Variants in ERBB4 observed in about 807,000 individuals in gnomAD.
ERBB4 encodes the protein erb-b2 receptor tyrosine kinase 4.
ERBB4 carries 42 observed loss-of-function variants against 158.0 expected under a neutral mutation model. The ratio of observed to expected loss-of-function variants is 0.27; its 90% CI spans 0.21 to 0.34. The LOEUF is 0.34. Ranked by LOEUF, ERBB4 falls within the 10% of genes least tolerant of loss-of-function variation. ERBB4 has a pLI of 1.00. For synonymous variants in ERBB4, 583 were observed against 558.7 expected (o/e 1.04, Z -0.61); for missense variants, 1,333 against 1,624.1 (o/e 0.82, Z 3.08).
Position 211,788,150 on chromosome 2 carries a change from T to C in ERBB4, c.431A>G (p.Asn144Ser), listed in dbSNP as rs772663811. Reference protein sequence around the residue: ...LGLKNLTEILNGGVYVDQNKF... With the variant: ...LGLKNLTEILSGGVYVDQNKF... ...GTTCTGGTCTACATAGACTCCACCA[T>C]TTAGGATTTCTGTATTAAAAAACAA... Residue 144 changes from asparagine (N) to serine (S), a missense_variant, in exon 4 of 28, where the codon AAT becomes AGT. Coordinates refer to ENST00000342788, the MANE Select transcript of ERBB4 (RefSeq NM_005235.3). The C allele has an allele frequency of 6.2e-7, 1 of 1,611,720 alleles. No homozygotes were observed. Among genetic ancestry groups the C allele is most frequent in the Non-Finnish European group, 8.5e-7 (1 of 1,178,146 alleles).
chr2:211,945,612 G>C (rs2080667254), intron 3 of ERBB4, among the ~76,000 whole-genome samples: 2 of 152,006 alleles, frequency 1.3e-5, no homozygotes, highest in African/African-American at 2.4e-5. Context: ...AAATAATAGT[G>C]TTATATTTTG....
At chr2:211,752,407 A>G (rs2075157857) in intron 4 of ERBB4, among the ~76,000 whole-genome samples, 1 of 151,582 alleles carries the variant, frequency 6.6e-6, no homozygotes. Context: ...ATAATCTACC[A>G]TTTAATCTAT....
chr2:211,413,309 A>AACACACACACACACAC lies in ERBB4; in HGVS notation c.3135+7116_3135+7131dup, dbSNP rs36108369. ...GGACAGAGAGAGACCCTGTCTTAAAAACACACACACACACACACACACACA... is the reference window on the plus strand; with the variant it reads ...GGACAGAGAGAGACCCTGTCTTAAAAACACACACACACACACACACACACACACACACACACACACA... On this transcript the variant is annotated intron_variant, in intron 25 of 27. Transcript: ENST00000342788. Among the ~76,000 whole-genome samples, 25 of 94,574 alleles carry AACACACACACACACAC rather than the reference A, an allele frequency of 2.6e-4. 1 individual carries two copies. The highest frequency in any genetic ancestry group is 8.8e-4 in the African/African-American group (23 of 26,048). 62.0% of individuals were successfully genotyped at this position (94,574 alleles called of 152,430 possible). A position where few individuals can be genotyped will look rare whatever the true frequency, so the allele number is the denominator to read the frequency against.
chr2:212,532,081 CCTTTTATTTGT>C (rs942226147), intron 1 of ERBB4, among the ~76,000 whole-genome samples: 2 of 152,138 alleles, frequency 1.3e-5, no homozygotes, highest in African/African-American at 4.8e-5. Flanking sequence ...TGCAACATAA[CCTTTTATTTGT>C]TTCCTTATTT....
At chr2:211,544,563 AG>A (rs1009003040) in intron 20 of ERBB4, among the ~76,000 whole-genome samples, 6 of 152,030 alleles carry the variant, frequency 3.9e-5, no homozygotes, top group Non-Finnish European at 5.9e-5. Context: ...TTTAAGTCCC[AG>A]TTTTTTCAGG....
At chr2:211,869,993 A>T (rs1332340167) in intron 3 of ERBB4, among the ~76,000 whole-genome samples, 2 of 152,120 alleles carry the variant, frequency 1.3e-5, no homozygotes, top group Admixed American at 6.6e-5. Context: ...CTAGACTGTC[A>T]TATTTAGTAA....
chr2:211,441,957 C>A (rs1261134482), intron 20 of ERBB4, among the ~76,000 whole-genome samples: 1 of 152,094 alleles, frequency 6.6e-6, no homozygotes, highest in Admixed American at 6.6e-5. Context: ...TTGCTTAAGT[C>A]TTCTCTTTTT....
intron 1 of ERBB4, among the ~76,000 whole-genome samples, chr2:212,430,095 G>C (rs898934234): frequency 1.3e-5 from 2 of 152,106 alleles, no homozygotes; most frequent in African/African-American, 4.8e-5. Context: ...AACTGGTAAA[G>C]AAAATAAATA....
rs571322025 is a variant in ERBB4, at chr2:211,604,304, G to T, written c.2301+14873C>A. On this transcript the variant is annotated intron_variant, in intron 19 of 27. Coordinates refer to ENST00000342788, the MANE Select transcript of ERBB4 (RefSeq NM_005235.3). ...TGATTGAGCTTCTACCAATTTTTGC[G>T]TTTGTTTCCTGTTTCTTTAAACAGT... Among the ~76,000 whole-genome samples, 481 of 152,172 alleles carry T rather than the reference G, an allele frequency of 3.2e-3. 6 individuals carry two copies. The highest frequency in any genetic ancestry group is 2.5e-3 in the Non-Finnish European group (173 of 67,976).
intron 20 of ERBB4, among the ~76,000 whole-genome samples, chr2:211,473,039 C>T (rs892371510): frequency 3.3e-5 from 5 of 151,848 alleles, no homozygotes; most frequent in East Asian, 1.9e-4. Flanking sequence ...TTACTATATA[C>T]GGGGAATCAA....
intron 3 of ERBB4, among the ~76,000 whole-genome samples, chr2:211,920,070 T>TA (rs1258597553): frequency 2.6e-5 from 4 of 151,916 alleles, no homozygotes; most frequent in Non-Finnish European, 5.9e-5. Context: ...TGTACTGTGG[T>TA]AAAAAACAAA....
chr2:211,975,826 C>T (rs2081591041), intron 2 of ERBB4, among the ~76,000 whole-genome samples: 1 of 152,014 alleles, frequency 6.6e-6, no homozygotes, highest in African/African-American at 2.4e-5. Context: ...CCAAAAAAAG[C>T]CAGTGTTTGG....
chr2:211,902,557 TGAAAA>T (rs1242261090), intron 3 of ERBB4, among the ~76,000 whole-genome samples: 2 of 151,920 alleles, frequency 1.3e-5, no homozygotes, highest in African/African-American at 4.8e-5. Flanking sequence ...AAAGAGCTAT[TGAAAA>T]GAAATAAATT....
At chr2:212,194,711 T>C (rs368836869) in intron 1 of ERBB4, among the ~76,000 whole-genome samples, 13 of 150,178 alleles carry the variant, frequency 8.7e-5, no homozygotes, top group African/African-American at 2.7e-4. Flanking sequence ...ATTAATATAA[T>C]CATTAAAGAA....
intron 20 of ERBB4, among the ~76,000 whole-genome samples, chr2:211,438,305 A>G (rs1399715532): frequency 6.6e-6 from 1 of 152,210 alleles, no homozygotes; most frequent in African/African-American, 2.4e-5. Context: ...GAGAACAGTA[A>G]AGAGGTAGAG....
chr2:211,747,722 T>A (rs1054321218), intron 5 of ERBB4, among the ~76,000 whole-genome samples: 1 of 146,982 alleles, frequency 6.8e-6, no homozygotes, highest in Non-Finnish European at 1.5e-5. Context: ...GACATACAAC[T>A]TTTTTTTTTG....
intron 3 of ERBB4, among the ~76,000 whole-genome samples, chr2:211,855,457 C>T (rs62184497): frequency 0.14 from 21,732 of 151,982 alleles, 1,909 homozygotes; most frequent in African/African-American, 0.24. Context: ...AGTTTTTTAC[C>T]TTTAACATTT....
At chr2:212,086,411 A>G (rs2078612920) in intron 2 of ERBB4, among the ~76,000 whole-genome samples, 1 of 151,716 alleles carries the variant, frequency 6.6e-6, no homozygotes, top group South Asian at 2.1e-4. Flanking sequence ...TTTCTGATTT[A>G]AATCGCACTA....
chr2:211,632,117 T>C (rs2070161744), intron 16 of ERBB4, among the ~76,000 whole-genome samples: 2 of 152,088 alleles, frequency 1.3e-5, no homozygotes, highest in African/African-American at 4.8e-5. Flanking sequence ...GGTTGTTTCC[T>C]GACAGCTCAA....
Sources: allele counts gnomAD v4.1 joint callset (sites outside exome capture counted in the v4.1 genomes callset), GRCh38; gene constraint gnomAD v4.1.1; transcripts MANE v1.5; gene names NCBI Gene and HGNC (gene_info 2026-07-23, HGNC 2026-07-21).